Variants in CDH4 observed in about 807,000 individuals in gnomAD.
The protein encoded by CDH4 is cadherin 4.
Under a neutral mutation model 86.0 loss-of-function variants are expected in CDH4, and 33 were observed. The ratio of observed to expected loss-of-function variants is 0.38; its 90% CI spans 0.29 to 0.51. The LOEUF (loss-of-function observed/expected upper bound fraction) is 0.51. Among genes scored for constraint, CDH4 ranks in the 20% least tolerant of loss-of-function variants. The pLI, the probability that CDH4 is intolerant of heterozygous loss-of-function variation, is 0.86. For synonymous variants in CDH4, 555 were observed against 549.4 expected (o/e 1.01, Z -0.14); for missense variants, 1,114 against 1,307.4 (o/e 0.85, Z 2.28).
intron 2 of CDH4, among the ~76,000 whole-genome samples, chr20:61,555,104 C>CGTGTGT (rs111335592): frequency 1.4e-4 from 21 of 151,878 alleles, no homozygotes; most frequent in African/African-American, 4.3e-4. Flanking sequence ...CAGTATGAGC[C>CGTGTGT]GTATGTGTGT....
chr20:61,673,766 G>A (rs2087415668), intron 2 of CDH4, among the ~76,000 whole-genome samples: 1 of 152,178 alleles, frequency 6.6e-6, no homozygotes, highest in Non-Finnish European at 1.5e-5. Context: ...AATGGGTTAT[G>A]GAGATGCCCA....
chr20:61,381,150 G>T (rs559042780), intron 2 of CDH4, among the ~76,000 whole-genome samples: 1 of 152,154 alleles, frequency 6.6e-6, no homozygotes, highest in African/African-American at 2.4e-5. Context: ...TAGTGATCTC[G>T]AATGAGGCTC....
At chr20:61,260,232 C>T (rs909134870) in intron 2 of CDH4, among the ~76,000 whole-genome samples, 1 of 152,218 alleles carries the variant, frequency 6.6e-6, no homozygotes, top group African/African-American at 2.4e-5. Context: ...AAAGGCCCTC[C>T]TCTGCTCCTT....
At chr20:61,305,321 T>G (rs2084410779) in intron 2 of CDH4, among the ~76,000 whole-genome samples, 1 of 152,212 alleles carries the variant, frequency 6.6e-6, no homozygotes, top group African/African-American at 2.4e-5. Context: ...CCGTATCTTA[T>G]GCAGCGACCT....
rs2087075253 is a variant in CDH4, at chr20:61,647,543, C to G, written c.170-96020C>G. On this transcript the variant is annotated intron_variant, in intron 2 of 15. Transcript: ENST00000614565. Reference sequence around the variant, plus strand: ...ACACATATTCTCTCTCCCTCTCCCTCTCCCTCTCCCTCTCCCTCTCCCTCT... The same window carrying G: ...ACACATATTCTCTCTCCCTCTCCCTGTCCCTCTCCCTCTCCCTCTCCCTCT... Among the ~76,000 whole-genome samples the G allele has an allele frequency of 1.9e-5, 2 of 103,636 alleles. 1 individual carries two copies. Among genetic ancestry groups the G allele is most frequent in the African/African-American group, 7.0e-5 (2 of 28,736 alleles). 68.0% of individuals were successfully genotyped at this position (103,636 alleles called of 152,430 possible). A position where few individuals can be genotyped will look rare whatever the true frequency, so the allele number is the denominator to read the frequency against.
intron 2 of CDH4, among the ~76,000 whole-genome samples, chr20:61,545,657 G>C (rs2145662397): frequency 6.6e-6 from 1 of 152,344 alleles, no homozygotes; most frequent in East Asian, 1.9e-4. Context: ...GAGCCGTCAA[G>C]AGAACCGGAG....
In CDH4 at chr20:61,620,846, A is replaced by G. The variant is rs141184936; in HGVS notation, c.170-122717A>G. On this transcript the variant is annotated intron_variant, in intron 2 of 15. Transcript: ENST00000614565. ...TCTCCCTGGCCATGCCATCCCGGTT[A>G]TCAAACAGGAATGTCAAGCCCATTT... 9.3e-3 allele frequency among the ~76,000 whole-genome samples: 1,417 copies of G among 152,348 alleles called. 11 individuals carry two copies. The highest frequency in any genetic ancestry group is 0.014 in the Middle Eastern group (4 of 294).
chr20:61,764,022 A>G (rs573315541), intron 3 of CDH4, among the ~76,000 whole-genome samples: 29 of 152,298 alleles, frequency 1.9e-4, no homozygotes, highest in Admixed American at 7.9e-4. Context: ...GAGGGAAATG[A>G]TCCGAGTTTT....
chr20:61,499,339 T>A, intron 2 of CDH4: 1 of 727,620 alleles, frequency 1.4e-6, no homozygotes, highest in East Asian at 6.6e-5. Context: ...TGCCTCAGTT[T>A]CGCCACCTAG....
chr20:61,461,851 T>C (rs2085445112), intron 2 of CDH4, among the ~76,000 whole-genome samples: 1 of 152,208 alleles, frequency 6.6e-6, no homozygotes, highest in African/African-American at 2.4e-5. Context: ...CATTATTCAG[T>C]GCTTTGCTGC....
intron 2 of CDH4, among the ~76,000 whole-genome samples, chr20:61,714,981 CTCCATGCTGTTT>C (rs2145903826): frequency 6.6e-6 from 1 of 152,326 alleles, no homozygotes; most frequent in East Asian, 1.9e-4. Context: ...TTTAAGAAAT[CTCCATGCTGTTT>C]TCCATAGAGG....
At chr20:61,471,646 AGC>A (rs2085504292) in intron 2 of CDH4, among the ~76,000 whole-genome samples, 1 of 151,820 alleles carries the variant, frequency 6.6e-6, no homozygotes, top group Admixed American at 6.6e-5. Context: ...AGGTGCTTAT[AGC>A]TATAAACTTC....
intron 2 of CDH4, among the ~76,000 whole-genome samples, chr20:61,550,840 G>C (rs542826925): frequency 2.6e-4 from 40 of 152,342 alleles, no homozygotes; most frequent in African/African-American, 8.4e-4. Context: ...CCCAGGGGCA[G>C]GCAGGGCTGA....
chr20:61,847,462 C>T (rs1471606700), intron 5 of CDH4, among the ~76,000 whole-genome samples: 2 of 152,224 alleles, frequency 1.3e-5, no homozygotes, highest in Admixed American at 6.5e-5. Flanking sequence ...TTTCAACCCA[C>T]CATGTGCAGA....
rs951865556 is a variant in CDH4 at position 61,480,506 on chromosome 20, G to T, written c.169+225569G>T. On this transcript the variant is annotated intron_variant, in intron 2 of 15. Coordinates refer to ENST00000614565, the MANE Select transcript of CDH4 (RefSeq NM_001794.5). This position sits in a 1 kb window ranked among gnomAD's most constrained non-coding sequence, Gnocchi z 5.2. ...ACATGTTCCCTGAGGAACCCAGGCA[G>T]AACTGGACCCTGCAGGAGCCAGGCC... 6.6e-6 allele frequency among the ~76,000 whole-genome samples: 1 copy of T among 152,242 alleles called. No homozygotes were observed. Among genetic ancestry groups the T allele is most frequent in the Non-Finnish European group, 1.5e-5 (1 of 68,032 alleles).
intron 7 of CDH4, among the ~76,000 whole-genome samples, chr20:61,889,882 G>A (rs1461775583): frequency 6.6e-6 from 1 of 150,528 alleles, no homozygotes; most frequent in African/African-American, 2.4e-5. Flanking sequence ...TGGTGGATGG[G>A]TGAGTGAATG....
At chr20:61,894,240 C>A (rs548035145) in intron 7 of CDH4, among the ~76,000 whole-genome samples, 1 of 152,278 alleles carries the variant, frequency 6.6e-6, no homozygotes, top group South Asian at 2.1e-4. Flanking sequence ...CACTGATGGA[C>A]TCCCAGCAAG....
intron 2 of CDH4, among the ~76,000 whole-genome samples, chr20:61,695,850 G>T (rs1466929410): frequency 2.6e-5 from 4 of 152,094 alleles, no homozygotes; most frequent in African/African-American, 9.7e-5. Flanking sequence ...CTTTGCCCCA[G>T]TGACTTGGCC....
intron 4 of CDH4, among the ~76,000 whole-genome samples, chr20:61,818,282 G>C (rs1444071690): frequency 6.6e-6 from 1 of 152,182 alleles, no homozygotes; most frequent in Non-Finnish European, 1.5e-5. Flanking sequence ...CTGGGGTGTG[G>C]GGGAGGCCCT....
Sources: gnomAD v4.1 joint callset for allele counts (sites outside exome capture counted in the v4.1 genomes callset) on GRCh38, gnomAD v4.1.1 for gene constraint, Gnocchi (gnomAD v3.1) non-coding constraint, MANE v1.5 for transcripts, NCBI Gene and HGNC (gene_info 2026-07-23, HGNC 2026-07-21) for gene names.